Variants in PKNOX2 observed in about 807,000 individuals in gnomAD.
PKNOX2 encodes homeobox protein PKNOX2.
A neutral mutation model predicts 53.1 loss-of-function variants in PKNOX2; 14 were observed. The observed-to-expected ratio is 0.26, with a 90% CI of 0.17 to 0.41. PKNOX2 has a LOEUF of 0.41. PKNOX2 is among the 10% of genes least tolerant of loss of function. The pLI, the probability that PKNOX2 is intolerant of heterozygous loss-of-function variation, is 1.00. For synonymous variants in PKNOX2, 257 were observed against 242.8 expected (o/e 1.06, Z -0.54); for missense variants, 496 against 602.8 (o/e 0.82, Z 1.85).
intron 2 of PKNOX2, among the ~76,000 whole-genome samples, chr11:125,306,335 G>A (rs535679143): frequency 6.6e-6 from 1 of 152,286 alleles, no homozygotes; most frequent in East Asian, 1.9e-4. Context: ...CGCTACCAGG[G>A]CAGCCCCCCA....
chr11:125,338,384 C>G (rs1435367166), intron 3 of PKNOX2, among the ~76,000 whole-genome samples: 1 of 152,154 alleles, frequency 6.6e-6, no homozygotes, highest in Non-Finnish European at 1.5e-5. Context: ...TCACTGGAGA[C>G]AGCCAGGCCC....
intron 1 of PKNOX2, among the ~76,000 whole-genome samples, chr11:125,168,744 C>T (rs375730150): frequency 9.2e-5 from 14 of 152,158 alleles, no homozygotes; most frequent in East Asian, 5.8e-4. Flanking sequence ...CTTTACCTTC[C>T]GTGAATCCAA....
chr11:125,241,882 AAAAG>A (rs1032292894), intron 2 of PKNOX2, among the ~76,000 whole-genome samples: 107 of 152,198 alleles, frequency 7.0e-4, no homozygotes, highest in African/African-American at 2.3e-3. Context: ...AATGAACAAA[AAAAG>A]AGAGAGAGAG....
chr11:125,167,701 T>C (rs1007034508), intron 1 of PKNOX2, among the ~76,000 whole-genome samples: 33 of 152,270 alleles, frequency 2.2e-4, no homozygotes, highest in African/African-American at 7.2e-4. Flanking sequence ...TGCTTTTAAG[T>C]CTATAGATTG....
chr11:125,416,111 G>A (rs531417796), intron 10 of PKNOX2, among the ~76,000 whole-genome samples: 8 of 151,666 alleles, frequency 5.3e-5, no homozygotes, highest in African/African-American at 1.2e-4. Flanking sequence ...AGACCATCCC[G>A]GCTAAAACGG....
chr11:125,367,989 GGA>G lies in PKNOX2; in HGVS notation c.227+7_227+8del. ...CTGACAAGCGAGCTGTATACAGGTA[GGA>G]GACACTTCAGCTGTGTCTACAGCCC... On this transcript the variant is annotated splice_donor_5th_base_variant and intron_variant, in intron 5 of 12. Transcript: ENST00000298282. 1 of 1,611,638 alleles carries G rather than the reference GGA, an allele frequency of 6.2e-7. No individual in the cohort carries two copies. The highest frequency in any genetic ancestry group is 8.5e-7 in the Non-Finnish European group (1 of 1,178,858).
At chr11:125,423,332 AC>A (rs1354738975) in intron 10 of PKNOX2, among the ~76,000 whole-genome samples, 2 of 151,898 alleles carry the variant, frequency 1.3e-5, no homozygotes, top group Non-Finnish European at 2.9e-5. Flanking sequence ...GCCTTAATGG[AC>A]TCTTAAGTAC....
intron 5 of PKNOX2, among the ~76,000 whole-genome samples, chr11:125,369,759 C>G (rs1338055351): frequency 1.3e-5 from 2 of 152,184 alleles, no homozygotes; most frequent in Non-Finnish European, 2.9e-5. Context: ...TGTAATTAAC[C>G]TGGGCAAGGT....
At chr11:125,360,848 G>A (rs953993151) in intron 4 of PKNOX2, among the ~76,000 whole-genome samples, 1 of 152,206 alleles carries the variant, frequency 6.6e-6, no homozygotes, top group African/African-American at 2.4e-5. Flanking sequence ...TGTACCTTGA[G>A]TATAATTATT....
At position 125,432,944 on chromosome 11, in the gene PKNOX2, C is replaced by G. The variant is rs1261846950; in HGVS notation, c.*1552C>G. 3 of 152,656 alleles carry G rather than the reference C, an allele frequency of 2.0e-5. No homozygotes were observed. The highest frequency in any genetic ancestry group is 7.2e-5 in the African/African-American group (3 of 41,452). 9.5% of individuals were successfully genotyped at this position (152,656 alleles called of 1,614,324 possible). ...TTGGGGTAGAGCAAAAGGATGGTCA[C>G]TCTTCCGAGGTCTCCCTGAAATGAA... On this transcript the variant is annotated 3_prime_UTR_variant, in exon 13 of 13. Transcript: ENST00000298282.
rs559099435 is a variant in PKNOX2 at position 125,192,506 on chromosome 11, G to T, written c.-201+27730G>T. 1.2e-4 allele frequency among the ~76,000 whole-genome samples: 19 copies of T among 152,326 alleles called. No homozygotes were observed. In the South Asian group the frequency reaches 3.7e-3, roughly 30 times the overall value. ...CTGACGCTGGGGGAGCCTGGCAGGA[G>T]CTAGGTCTGGGGAAGGTGGAGACCT... On this transcript the variant is annotated intron_variant, in intron 1 of 12. Coordinates refer to ENST00000298282, the MANE Select transcript of PKNOX2 (RefSeq NM_001382323.2).
chr11:125,237,403 G>A (rs998821921), intron 2 of PKNOX2, among the ~76,000 whole-genome samples: 8 of 152,160 alleles, frequency 5.3e-5, no homozygotes, highest in African/African-American at 1.7e-4. Context: ...TCTCCAAGGA[G>A]TATCAACATC....
At chr11:125,306,444 C>T (rs950429939) in intron 2 of PKNOX2, among the ~76,000 whole-genome samples, 1 of 152,224 alleles carries the variant, frequency 6.6e-6, no homozygotes, top group Non-Finnish European at 1.5e-5. Flanking sequence ...TCTGCCTTCC[C>T]ACTCTGTCCT....
intron 10 of PKNOX2, among the ~76,000 whole-genome samples, chr11:125,412,913 T>TG (rs755825837): frequency 2.0e-5 from 3 of 152,142 alleles, no homozygotes; most frequent in Non-Finnish European, 2.9e-5. Flanking sequence ...TCAGAAGCCA[T>TG]GGAGACCAGG....
intron 2 of PKNOX2, among the ~76,000 whole-genome samples, chr11:125,284,984 TCTAC>T (rs1039130239): frequency 7.9e-5 from 12 of 152,214 alleles, no homozygotes; most frequent in Non-Finnish European, 1.5e-4. Flanking sequence ...GAGGCTTTGT[TCTAC>T]CTTGAGAGCA....
intron 7 of PKNOX2, among the ~76,000 whole-genome samples, chr11:125,405,578 G>C (rs1202673110): frequency 6.6e-6 from 1 of 152,154 alleles, no homozygotes; most frequent in Non-Finnish European, 1.5e-5. Flanking sequence ...TCATCTTTCT[G>C]CTGTTCCAAA....
At chr11:125,238,698 A>C (rs1336909644) in intron 2 of PKNOX2, among the ~76,000 whole-genome samples, 1 of 152,210 alleles carries the variant, frequency 6.6e-6, no homozygotes, top group Non-Finnish European at 1.5e-5. Context: ...CATGGAGTTG[A>C]GTCTAGGTGA....
intron 10 of PKNOX2, among the ~76,000 whole-genome samples, chr11:125,427,511 G>T (rs1209876491): frequency 6.6e-6 from 1 of 152,144 alleles, no homozygotes; most frequent in African/African-American, 2.4e-5. Flanking sequence ...TAAGCACCTT[G>T]TAACACCCCC....
chr11:125,221,449 C>T (rs570444839), intron 1 of PKNOX2, among the ~76,000 whole-genome samples: 11 of 152,170 alleles, frequency 7.2e-5, no homozygotes, highest in Non-Finnish European at 1.3e-4. Flanking sequence ...AGCAGCCCAC[C>T]CTGCTCCAGG....
Sources: gnomAD v4.1 joint callset for allele counts (sites outside exome capture counted in the v4.1 genomes callset) on GRCh38, gnomAD v4.1.1 for gene constraint, MANE v1.5 for transcripts, NCBI Gene and HGNC (gene_info 2026-07-23, HGNC 2026-07-21) for gene names.